The following AGMO variants were observed in gnomAD, a reference collection of about 807,000 sequenced individuals.
AGMO encodes glyceryl-ether monooxygenase.
Under a neutral mutation model 60.2 loss-of-function variants are expected in AGMO, and 75 were observed. The observed-to-expected ratio is 1.25, with a 90% confidence interval of 1.03 to 1.51. The LOEUF (loss-of-function observed/expected upper bound fraction) is 1.51. Ranked by LOEUF, AGMO falls within the 40% of genes most tolerant of loss-of-function variation. The pLI, the probability that AGMO is intolerant of heterozygous loss-of-function variation, is 0.00. For synonymous variants in AGMO, 261 were observed against 177.1 expected, an observed-to-expected ratio of 1.47 and a Z score of -3.76; for missense variants, 763 against 525.5, an observed-to-expected ratio of 1.45 and a Z score of -4.42.
At chr7:15,543,002 C>G (rs549188969) in intron 3 of AGMO, among the ~76,000 whole-genome samples, 1 of 152,302 alleles carries the variant, frequency 6.6e-6, no homozygotes, top group South Asian at 2.1e-4. Flanking sequence ...ATCCATGCTA[C>G]TCCTATTTCC....
At chr7:15,227,653 CT>C (rs1407741336) in intron 12 of AGMO, among the ~76,000 whole-genome samples, 1 of 152,074 alleles carries the variant, frequency 6.6e-6, no homozygotes, top group Non-Finnish European at 1.5e-5. Context: ...GGAATTTCCA[CT>C]GCATGTTTCA....
intron 3 of AGMO, among the ~76,000 whole-genome samples, chr7:15,518,217 G>A (rs932974220): frequency 7.9e-5 from 12 of 152,116 alleles, no homozygotes; most frequent in African/African-American, 2.9e-4. Context: ...CAGAGCACCT[G>A]GGGGAAGGGG....
chr7:15,531,357 T>A (rs376357470), intron 3 of AGMO, among the ~76,000 whole-genome samples: 1 of 21,098 alleles, frequency 4.7e-5, no homozygotes, highest in Non-Finnish European at 8.7e-5. Flanking sequence ...CTATATATAT[T>A]CTATATATAT....
intron 12 of AGMO, among the ~76,000 whole-genome samples, chr7:15,238,949 T>G (rs2128502186): frequency 6.6e-6 from 1 of 152,296 alleles, no homozygotes; most frequent in Non-Finnish European, 1.5e-5. Context: ...TGTAAACTTT[T>G]TATTGCACAT....
chr7:15,481,004 A>G lies in AGMO; in HGVS notation c.410-49896T>C, dbSNP rs1357371078. 3.9e-5 allele frequency among the ~76,000 whole-genome samples: 6 copies of G among 152,138 alleles called. No homozygotes were observed. The East Asian group carries it at 1.2e-3, about 29-fold the overall frequency. On this transcript the variant is annotated intron_variant, in intron 3 of 12. Coordinates refer to ENST00000342526, the MANE Select transcript of AGMO (RefSeq NM_001004320.2). ...TTATGTTTATACACAATTAATGTAT[A>G]AACATTAACATGTTTATATACATAT... is the stretch of plus-strand genomic sequence containing the variant.
At chr7:15,347,770 C>T in intron 12 of AGMO, among the ~76,000 whole-genome samples, 1 of 151,850 alleles carries the variant, frequency 6.6e-6, no homozygotes, top group East Asian at 1.9e-4. Context: ...AAAGTATAGA[C>T]AAGTGTTGTA....
chr7:15,209,868 A>G (rs1207402089), intron 12 of AGMO, among the ~76,000 whole-genome samples: 1 of 152,214 alleles, frequency 6.6e-6, no homozygotes, highest in Non-Finnish European at 1.5e-5. Flanking sequence ...AGAGGCAGGC[A>G]GCAGGCACCC....
chr7:15,438,873 G>C (rs1357255087), intron 3 of AGMO, among the ~76,000 whole-genome samples: 1 of 152,058 alleles, frequency 6.6e-6, no homozygotes, highest in Non-Finnish European at 1.5e-5. Flanking sequence ...CTATTAATTT[G>C]TTGTTATTAA....
chr7:15,357,810 C>T (rs778291111), intron 12 of AGMO, among the ~76,000 whole-genome samples: 21 of 152,248 alleles, frequency 1.4e-4, no homozygotes, highest in African/African-American at 4.6e-4. Context: ...CCCAGGTGAA[C>T]GCAGCAGAGA....
chr7:15,485,263 G>A (rs1011686602), intron 3 of AGMO, among the ~76,000 whole-genome samples: 10 of 151,750 alleles, frequency 6.6e-5, no homozygotes, highest in Non-Finnish European at 1.3e-4. Context: ...GTTGCAGTGA[G>A]CCGAGATCAT....
At chr7:15,210,029 T>C (rs761880149) in intron 12 of AGMO, among the ~76,000 whole-genome samples, 1 of 152,160 alleles carries the variant, frequency 6.6e-6, no homozygotes, top group Non-Finnish European at 1.5e-5. Flanking sequence ...GATGATGATA[T>C]GATGATAATA....
intron 3 of AGMO, among the ~76,000 whole-genome samples, chr7:15,444,946 A>G (rs992880978): frequency 6.6e-6 from 1 of 152,148 alleles, no homozygotes; most frequent in Non-Finnish European, 1.5e-5. Flanking sequence ...CAGGCCAGGG[A>G]GCTGACATCT....
At chr7:15,193,274 A>G in the AGMO span, among the ~76,000 whole-genome samples, 2 of 152,162 alleles carry the variant, frequency 1.3e-5, no homozygotes, top group Non-Finnish European at 2.9e-5. Flanking sequence ...TAAGTGATAT[A>G]ATTAACTCCA....
intron 3 of AGMO, among the ~76,000 whole-genome samples, chr7:15,540,857 A>G (rs1354273826): frequency 6.6e-6 from 1 of 152,212 alleles, no homozygotes; most frequent in African/African-American, 2.4e-5. Context: ...GTATATATAT[A>G]GAAAATGTAT....
At chr7:15,347,164 T>C (rs1445372761) in intron 12 of AGMO, among the ~76,000 whole-genome samples, 1 of 152,064 alleles carries the variant, frequency 6.6e-6, no homozygotes, top group Non-Finnish European at 1.5e-5. Context: ...AGGATTCCAA[T>C]GTTACTGTCT....
intron 5 of AGMO, among the ~76,000 whole-genome samples, chr7:15,394,848 A>G (rs1403765250): frequency 2.0e-5 from 3 of 152,164 alleles, no homozygotes; most frequent in Non-Finnish European, 2.9e-5. Flanking sequence ...ATTACATCTT[A>G]GAGGCACAAT....
chr7:15,310,191 T>C (rs1780729491), intron 12 of AGMO, among the ~76,000 whole-genome samples: 1 of 152,156 alleles, frequency 6.6e-6, no homozygotes, highest in Non-Finnish European at 1.5e-5. Flanking sequence ...AAGAATAATT[T>C]GATTCAGTAA....
chr7:15,344,466 G>A (rs573634136), intron 12 of AGMO, among the ~76,000 whole-genome samples: 4 of 152,236 alleles, frequency 2.6e-5, no homozygotes, highest in South Asian at 2.1e-4. Flanking sequence ...TTGGGAGGCC[G>A]AGGCAGATGG....
intron 3 of AGMO, among the ~76,000 whole-genome samples, chr7:15,453,584 C>T (rs1476198003): frequency 1.3e-5 from 2 of 152,166 alleles, no homozygotes; most frequent in Non-Finnish European, 1.5e-5. Context: ...AAATTCAAAC[C>T]AGGTCTTGAA....
Sources: gnomAD v4.1 joint callset for allele counts (sites outside exome capture counted in the v4.1 genomes callset) on GRCh38, gnomAD v4.1.1 for gene constraint, MANE v1.5 for transcripts, NCBI Gene and HGNC (gene_info 2026-07-23, HGNC 2026-07-21) for gene names.